Variants in SGCZ observed in about 807,000 individuals in gnomAD.
SGCZ encodes zeta-sarcoglycan.
Under a neutral mutation model 41.3 loss-of-function variants are expected in SGCZ, and 40 were observed. That is an observed-to-expected ratio of 0.97 (90% CI 0.75 to 1.26). The LOEUF (loss-of-function observed/expected upper bound fraction) is 1.26, where lower values mean the gene tolerates loss of function less well. SGCZ is among the 50% of genes most tolerant of loss of function. The pLI, the probability that SGCZ is intolerant of heterozygous loss-of-function variation, is 0.00. For missense variants in SGCZ, 552 were observed against 369.8 expected (o/e 1.49, Z -4.04); for synonymous variants, 206 against 137.5 (o/e 1.50, Z -3.49).
At chr8:14,755,831 C>G (rs536988645) in intron 1 of SGCZ, among the ~76,000 whole-genome samples, 17 of 151,208 alleles carry the variant, frequency 1.1e-4, no homozygotes, top group Non-Finnish European at 2.1e-4. Flanking sequence ...AGGCACTATG[C>G]CATATACAGG....
At chr8:14,099,145 C>T (rs1801933916) in intron 7 of SGCZ, among the ~76,000 whole-genome samples, 1 of 152,110 alleles carries the variant, frequency 6.6e-6, no homozygotes, top group South Asian at 2.1e-4. Flanking sequence ...TTGATTCTTT[C>T]CAACATAGCA....
chr8:14,528,248 G>A (rs1237232447), intron 2 of SGCZ, among the ~76,000 whole-genome samples: 1 of 152,106 alleles, frequency 6.6e-6, no homozygotes, highest in Non-Finnish European at 1.5e-5. Context: ...TGGGAAAGAA[G>A]GCAGTATCAA....
At chr8:14,430,027 G>C (rs568235758) in intron 2 of SGCZ, among the ~76,000 whole-genome samples, 1 of 152,050 alleles carries the variant, frequency 6.6e-6, no homozygotes, top group South Asian at 2.1e-4. Flanking sequence ...TTCTAATTGA[G>C]CTTATTTAGA....
chr8:15,024,625 C>A (rs1336634437), intron 1 of SGCZ, among the ~76,000 whole-genome samples: 5 of 152,022 alleles, frequency 3.3e-5, no homozygotes, highest in African/African-American at 1.2e-4. Flanking sequence ...CCCTCGTTAG[C>A]AGAAGCATTA....
intron 2 of SGCZ, among the ~76,000 whole-genome samples, chr8:14,472,152 T>A (rs936025008): frequency 1.3e-5 from 2 of 152,106 alleles, no homozygotes; most frequent in Non-Finnish European, 2.9e-5. Context: ...GAGTTCCAAT[T>A]GTAATTTTAG....
At chr8:14,172,227 T>C (rs1008392304) in intron 4 of SGCZ, among the ~76,000 whole-genome samples, 1 of 152,136 alleles carries the variant, frequency 6.6e-6, no homozygotes, top group South Asian at 2.1e-4. Flanking sequence ...CCAGCATGGG[T>C]CAGCAAACAT....
intron 1 of SGCZ, among the ~76,000 whole-genome samples, chr8:14,774,671 G>C (rs1800345521): frequency 6.6e-6 from 1 of 152,182 alleles, no homozygotes; most frequent in African/African-American, 2.4e-5. Flanking sequence ...GATCACCCTA[G>C]CTTTGACTTT....
chr8:14,429,247 A>C (rs1323271490), intron 2 of SGCZ, among the ~76,000 whole-genome samples: 1 of 152,210 alleles, frequency 6.6e-6, no homozygotes, highest in African/African-American at 2.4e-5. Context: ...GTTCTGTTAA[A>C]AGGAATTGAC....
At chr8:15,118,698 A>T (rs933539482) in intron 1 of SGCZ, among the ~76,000 whole-genome samples, 1 of 152,172 alleles carries the variant, frequency 6.6e-6, no homozygotes. Context: ...ATGAGAATTA[A>T]ATCTCCATCC....
At chr8:14,884,595 C>T (rs1052031672) in intron 1 of SGCZ, among the ~76,000 whole-genome samples, 6 of 151,826 alleles carry the variant, frequency 4.0e-5, no homozygotes, top group Non-Finnish European at 7.4e-5. Flanking sequence ...GAACTACTCT[C>T]ATGGTTTTTA....
intron 7 of SGCZ, 127 bp from the exon 8 acceptor site, chr8:14,090,764 T>C (rs1801666202): frequency 5.0e-6 from 4 of 807,546 alleles, no homozygotes; most frequent in Non-Finnish European, 1.9e-6. Flanking sequence ...TTAGCTGCCA[T>C]GCTTTGTTGA....
chr8:14,254,369 T>G (rs984880641), intron 3 of SGCZ, among the ~76,000 whole-genome samples: 1 of 152,332 alleles, frequency 6.6e-6, no homozygotes, highest in Middle Eastern at 3.4e-3. Flanking sequence ...GCTTGTAAAT[T>G]TGGGCAAATC....
chr8:14,814,167 A>T (rs562297231), intron 1 of SGCZ, among the ~76,000 whole-genome samples: 14 of 152,212 alleles, frequency 9.2e-5, no homozygotes, highest in African/African-American at 2.4e-4. Context: ...AATAAGTTAC[A>T]GAATAGAATA....
intron 2 of SGCZ, among the ~76,000 whole-genome samples, chr8:14,552,994 G>A (rs979787556): frequency 6.6e-6 from 1 of 151,916 alleles, no homozygotes; most frequent in African/African-American, 2.4e-5. Context: ...TGGAGAATAT[G>A]CTTTACCTCT....
In SGCZ at chr8:14,946,316, G is replaced by A. The variant is rs181508581; in HGVS notation, c.39+291269C>T. ...GTTCATTGGGCTCGTTCTCTCATAG[G>A]CTGCTAGTCTCGGAGTGGCCACGTA... On this transcript the variant is annotated intron_variant, in intron 1 of 7. Transcript: ENST00000382080. Among the ~76,000 whole-genome samples the A allele has an allele frequency of 3.3e-5, 5 of 151,558 alleles. No homozygotes were observed. The East Asian group carries it at 9.9e-4, about 30-fold the overall frequency.
intron 2 of SGCZ, among the ~76,000 whole-genome samples, chr8:14,470,922 G>C (rs982888873): frequency 6.6e-6 from 1 of 152,082 alleles, no homozygotes; most frequent in African/African-American, 2.4e-5. Flanking sequence ...TTGCTTATCA[G>C]ATCTTTAGTA....
intron 4 of SGCZ, among the ~76,000 whole-genome samples, chr8:14,167,041 T>C (rs898524526): frequency 6.6e-6 from 1 of 152,148 alleles, no homozygotes; most frequent in Non-Finnish European, 1.5e-5. Flanking sequence ...TAGCAATGCA[T>C]TGATAGTACA....
chr8:14,617,962 T>C, intron 1 of SGCZ, among the ~76,000 whole-genome samples: 1 of 152,158 alleles, frequency 6.6e-6, no homozygotes. Context: ...TAGATATTAT[T>C]TCCCTGTTAC....
At chr8:14,948,024 G>C (rs1232341064) in intron 1 of SGCZ, among the ~76,000 whole-genome samples, 1 of 152,156 alleles carries the variant, frequency 6.6e-6, no homozygotes, top group African/African-American at 2.4e-5. Context: ...CAAGCCTTCT[G>C]AAACTTCTTC....
Sources: allele counts gnomAD v4.1 joint callset (sites outside exome capture counted in the v4.1 genomes callset), GRCh38; gene constraint gnomAD v4.1.1; transcripts MANE v1.5; gene names NCBI Gene and HGNC (gene_info 2026-07-23, HGNC 2026-07-21).